FHIT: variants seen among roughly 807,000 people sequenced by gnomAD.
FHIT encodes the protein bis(5'-adenosyl)-triphosphatase.
FHIT carries 19 observed loss-of-function variants against 17.9 expected under a neutral mutation model. The ratio of observed to expected loss-of-function variants is 1.06; its 90% CI spans 0.74 to 1.56. The LOEUF (loss-of-function observed/expected upper bound fraction) is 1.56. Among genes scored for constraint, FHIT ranks in the 40% most tolerant of loss-of-function variants. FHIT has a pLI of 0.00. For missense variants in FHIT, 248 were observed against 189.2 expected, an observed-to-expected ratio of 1.31 and a Z score of -1.82; for synonymous variants, 81 against 69.7, an observed-to-expected ratio of 1.16 and a Z score of -0.81.
chr3:60,147,822 G>T (rs937959036), intron 5 of FHIT, among the ~76,000 whole-genome samples: 1 of 152,098 alleles, frequency 6.6e-6, no homozygotes, highest in Non-Finnish European at 1.5e-5. Context: ...CGGTGCAGTT[G>T]TCGAACGACC....
intron 5 of FHIT, among the ~76,000 whole-genome samples, chr3:60,470,627 G>T (rs940706329): frequency 3.3e-5 from 5 of 152,068 alleles, no homozygotes; most frequent in African/African-American, 1.2e-4. Context: ...CTCTGGCCCA[G>T]GACAGGTCCA....
chr3:60,373,400 G>T (rs1700418609), intron 5 of FHIT, among the ~76,000 whole-genome samples: 1 of 152,158 alleles, frequency 6.6e-6, no homozygotes, highest in African/African-American at 2.4e-5. Context: ...CATTTGAGAT[G>T]AGAGCAGGTC....
intron 9 of FHIT, chr3:59,750,628 A>C (rs1700843491): frequency 4.5e-6 from 1 of 222,852 alleles, no homozygotes; most frequent in Admixed American, 5.7e-5. Context: ...AACTTATGAC[A>C]TGGGAGAATG....
At chr3:60,598,906 G>A (rs72887647) in intron 4 of FHIT, among the ~76,000 whole-genome samples, 2,441 of 152,276 alleles carry the variant, frequency 0.016, 79 homozygotes, top group African/African-American at 0.056. Flanking sequence ...ATGCAGTCTG[G>A]TGAAAGTGTT....
At chr3:60,782,920 G>A (rs189406385) in intron 4 of FHIT, among the ~76,000 whole-genome samples, 17 of 152,222 alleles carry the variant, frequency 1.1e-4, no homozygotes, top group Admixed American at 9.8e-4. Context: ...ATTCATGACG[G>A]CTCTGTCCTC....
At chr3:61,164,399 A>AGAGG (rs2037777196) in intron 2 of FHIT, among the ~76,000 whole-genome samples, 2 of 152,330 alleles carry the variant, frequency 1.3e-5, no homozygotes, top group Admixed American at 1.3e-4. Flanking sequence ...AAACTCTGGA[A>AGAGG]GAGGGACCAG....
At position 59,748,994 on chromosome 3, in the gene FHIT, C is replaced by T. The variant is rs1220155392; in HGVS notation, c.*591G>A. ...CACCATGAATGTCTTTAAACTTGCT[C>T]TGCCTAAGACTAGCTTGCTGCTGAG... On this transcript the variant is annotated 3_prime_UTR_variant, in exon 10 of 10. Transcript: ENST00000492590. Among the ~76,000 whole-genome samples, 1 of 152,168 alleles carries T rather than the reference C, an allele frequency of 6.6e-6. No individual in the cohort carries two copies. Among genetic ancestry groups the T allele is most frequent in the African/African-American group, 2.4e-5 (1 of 41,442 alleles).
intron 5 of FHIT, among the ~76,000 whole-genome samples, chr3:60,347,206 T>C (rs1485169310): frequency 6.6e-6 from 1 of 152,198 alleles, no homozygotes. Flanking sequence ...CTTTAGTTAT[T>C]ACATTTGCAT....
intron 3 of FHIT, among the ~76,000 whole-genome samples, chr3:60,860,354 TAC>T (rs1703645142): frequency 1.4e-5 from 2 of 143,816 alleles, no homozygotes; most frequent in African/African-American, 5.6e-5. Flanking sequence ...ATCATATGTA[TAC>T]ATGACATACA....
chr3:60,578,852 C>A (rs1426232887), intron 4 of FHIT, among the ~76,000 whole-genome samples: 1 of 152,032 alleles, frequency 6.6e-6, no homozygotes, highest in African/African-American at 2.4e-5. Context: ...CAATTTTATT[C>A]TTTTACTATT....
chr3:60,163,055 G>A (rs957651220), intron 5 of FHIT, among the ~76,000 whole-genome samples: 3 of 152,140 alleles, frequency 2.0e-5, no homozygotes, highest in African/African-American at 7.2e-5. Context: ...TGGATAAGAC[G>A]ACTTTAGCCT....
intron 7 of FHIT, among the ~76,000 whole-genome samples, chr3:59,985,601 C>T (rs2107449323): frequency 6.6e-6 from 1 of 152,222 alleles, no homozygotes; most frequent in South Asian, 2.1e-4. Context: ...CATCTCAGGG[C>T]AATGAGTACA....
intron 3 of FHIT, among the ~76,000 whole-genome samples, chr3:60,912,996 G>C (rs1319528529): frequency 6.6e-6 from 1 of 152,174 alleles, no homozygotes; most frequent in South Asian, 2.1e-4. Flanking sequence ...GGAGGGTAGA[G>C]GGAAATAGAT....
At chr3:59,925,773 T>A (rs1575706771) in intron 7 of FHIT, among the ~76,000 whole-genome samples, 1 of 152,184 alleles carries the variant, frequency 6.6e-6, no homozygotes, top group Admixed American at 6.5e-5. Flanking sequence ...CATAAATTCT[T>A]AAGTGACAGG....
intron 5 of FHIT, among the ~76,000 whole-genome samples, chr3:60,442,026 T>C (rs2030928801): frequency 1.3e-5 from 2 of 148,160 alleles, no homozygotes; most frequent in Admixed American, 1.4e-4. Context: ...GCCTGACTAA[T>C]TTTTTTAACT....
chr3:60,460,585 C>T (rs747181339), intron 5 of FHIT, among the ~76,000 whole-genome samples: 2 of 152,228 alleles, frequency 1.3e-5, no homozygotes, highest in Admixed American at 6.5e-5. Context: ...TCAGATCCAC[C>T]TTGGTAAAAT....
At chr3:61,112,427 G>C (rs2036187009) in intron 2 of FHIT, among the ~76,000 whole-genome samples, 1 of 152,036 alleles carries the variant, frequency 6.6e-6, no homozygotes, top group Non-Finnish European at 1.5e-5. Flanking sequence ...ATAACCTATA[G>C]GGAAGTTCCG....
intron 2 of FHIT, among the ~76,000 whole-genome samples, chr3:61,188,825 C>T (rs1298263808): frequency 6.6e-6 from 1 of 152,066 alleles, no homozygotes; most frequent in Non-Finnish European, 1.5e-5. Flanking sequence ...GAACCAAAGA[C>T]AAAAACCACA....
At chr3:60,103,778 C>T (rs568918553) in intron 5 of FHIT, among the ~76,000 whole-genome samples, 14 of 152,264 alleles carry the variant, frequency 9.2e-5, no homozygotes, top group Non-Finnish European at 1.6e-4. Context: ...CATACCAATT[C>T]GCATATTCTG....
Sources: gnomAD v4.1 joint callset for allele counts (sites outside exome capture counted in the v4.1 genomes callset) on GRCh38, gnomAD v4.1.1 for gene constraint, MANE v1.5 for transcripts, NCBI Gene and HGNC (gene_info 2026-07-23, HGNC 2026-07-21) for gene names.